Variants in B4GALT6 observed in about 807,000 individuals in gnomAD.
The protein encoded by B4GALT6 is beta-1,4-galactosyltransferase 6, also known as UDP-Gal:beta-GlcNAc beta-1,4-galactosyltransferase 6.
A neutral mutation model predicts 46.3 loss-of-function variants in B4GALT6; 14 were observed. The observed-to-expected ratio is 0.30, with a 90% CI of 0.20 to 0.47. B4GALT6 has a LOEUF of 0.47. Ranked by LOEUF, B4GALT6 falls within the 20% of genes least tolerant of loss-of-function variation. B4GALT6 has a pLI of 0.99. For missense variants in B4GALT6, 386 were observed against 480.1 expected, an observed-to-expected ratio of 0.80 and a Z score of 1.83; for synonymous variants, 168 against 162.0, an observed-to-expected ratio of 1.04 and a Z score of -0.28.
At chr18:31,687,334 C>G (rs921712016), upstream of B4GALT6, among the ~76,000 whole-genome samples, 3 of 152,194 alleles carry the variant, frequency 2.0e-5, no homozygotes, top group Non-Finnish European at 2.9e-5. Flanking sequence ...CACTCTCTGT[C>G]CACAGTAACA....
the B4GALT6 span, among the ~76,000 whole-genome samples, chr18:31,715,739 C>G: frequency 1.3e-5 from 2 of 150,504 alleles, no homozygotes; most frequent in Non-Finnish European, 3.0e-5. Flanking sequence ...TAGTAGAAAA[C>G]AGTTTCACCA....
At chr18:31,699,241 G>A in the B4GALT6 span, among the ~76,000 whole-genome samples, 143 of 148,562 alleles carry the variant, frequency 9.6e-4, no homozygotes, top group Non-Finnish European at 1.8e-3. Context: ...TCGTTGCTTA[G>A]AATAAAGGCA....
intron 1 of B4GALT6, among the ~76,000 whole-genome samples, chr18:31,669,232 C>G (rs577833435): frequency 6.6e-6 from 1 of 152,116 alleles, no homozygotes; most frequent in Non-Finnish European, 1.5e-5. Flanking sequence ...GCATAACTTA[C>G]GTAATTTTCG....
chr18:31,698,791 C>T, the B4GALT6 span, among the ~76,000 whole-genome samples: 2 of 151,974 alleles, frequency 1.3e-5, no homozygotes, highest in South Asian at 2.1e-4. Flanking sequence ...AAAGTAAGGC[C>T]GGGCACAGTG....
At chr18:31,674,853 TAAAAA>T (rs1188667773) in intron 1 of B4GALT6, among the ~76,000 whole-genome samples, 1 of 146,772 alleles carries the variant, frequency 6.8e-6, no homozygotes, top group East Asian at 2.0e-4. Flanking sequence ...CCAGGCTGTT[TAAAAA>T]AAAAAAAATT....
chr18:31,630,103 G>A (rs1223033466), intron 6 of B4GALT6, among the ~76,000 whole-genome samples: 1 of 134,448 alleles, frequency 7.4e-6, no homozygotes, highest in Non-Finnish European at 1.6e-5. Context: ...GGAAGGAGGG[G>A]AGCGGGAGTG....
At chr18:31,684,249 G>A in intron 1 of B4GALT6, 63 bp downstream of exon 1, 1 of 1,603,810 alleles carries the variant, frequency 6.2e-7, no homozygotes. Flanking sequence ...AAGTAACATC[G>A]GATAACAGCC....
chr18:31,679,127 A>G (rs2074449907), intron 1 of B4GALT6, among the ~76,000 whole-genome samples: 1 of 152,236 alleles, frequency 6.6e-6, no homozygotes, highest in Admixed American at 6.5e-5. Context: ...TTTTATCTTT[A>G]ATAAACATTA....
At chr18:31,713,215 G>A in the B4GALT6 span, among the ~76,000 whole-genome samples, 1 of 152,152 alleles carries the variant, frequency 6.6e-6, no homozygotes, top group African/African-American at 2.4e-5. Flanking sequence ...AGCCAATCAT[G>A]GTGGCACATG....
the B4GALT6 span, among the ~76,000 whole-genome samples, chr18:31,700,366 C>G: frequency 1.3e-5 from 2 of 151,362 alleles, no homozygotes; most frequent in Non-Finnish European, 2.9e-5. Context: ...ATATGTGAAA[C>G]TTCATACTCT....
intron 6 of B4GALT6, among the ~76,000 whole-genome samples, chr18:31,630,197 T>G (rs2073768752): frequency 6.6e-6 from 1 of 152,078 alleles, no homozygotes. Flanking sequence ...TTTTTGCTTC[T>G]CTGTACTCTA....
rs1333631197 is a variant in B4GALT6 at position 31,626,295 on chromosome 18, T to TG, written c.988dup (p.Gln330ProfsTer7). On this transcript the variant is annotated frameshift_variant, in exon 8 of 9. Coordinates refer to ENST00000306851, the MANE Select transcript of B4GALT6 (RefSeq NM_004775.5). LOFTEE classifies it high-confidence loss of function. ...ACATTCAACTTACCGTCCTAAAAAC[T>TG]GGACTTCACCTCTATGGTGATGAGG... 1 of 1,582,804 alleles carries TG rather than the reference T, an allele frequency of 6.3e-7. No individual in the cohort carries two copies. The highest frequency in any genetic ancestry group is 1.4e-5 in the African/African-American group (1 of 73,924).
At chr18:31,699,297 G>A in the B4GALT6 span, among the ~76,000 whole-genome samples, 10 of 142,642 alleles carry the variant, frequency 7.0e-5, no homozygotes, top group Non-Finnish European at 1.5e-4. Context: ...TTTTGAGACA[G>A]ATTCTTGTCC....
At chr18:31,648,432 G>A (rs902618161) in intron 3 of B4GALT6, among the ~76,000 whole-genome samples, 2 of 152,220 alleles carry the variant, frequency 1.3e-5, no homozygotes, top group African/African-American at 2.4e-5. Flanking sequence ...TGTCTGAAGA[G>A]TGGAGGGGCT....
chr18:31,651,398 G>T (rs966104143), intron 3 of B4GALT6, among the ~76,000 whole-genome samples: 1 of 152,086 alleles, frequency 6.6e-6, no homozygotes, highest in Non-Finnish European at 1.5e-5. Context: ...CTCCACCAGG[G>T]TGGGGTGGGG....
At chr18:31,653,416 C>T (rs1221220174) in intron 3 of B4GALT6, among the ~76,000 whole-genome samples, 1 of 148,442 alleles carries the variant, frequency 6.7e-6, no homozygotes. Flanking sequence ...TCCCTTTTGT[C>T]ACATTCATAA....
chr18:31,720,755 G>T, the B4GALT6 span, among the ~76,000 whole-genome samples: 1 of 152,162 alleles, frequency 6.6e-6, no homozygotes, highest in Non-Finnish European at 1.5e-5. Context: ...GTGCCATAGG[G>T]TCCTCATGAC....
chr18:31,650,789 G>A (rs1158892965), intron 3 of B4GALT6, among the ~76,000 whole-genome samples: 1 of 152,074 alleles, frequency 6.6e-6, no homozygotes, highest in Non-Finnish European at 1.5e-5. Flanking sequence ...TTTTTTTTGA[G>A]ACGGAGTCTC....
chr18:31,710,814 CCACACACACA>C, the B4GALT6 span, among the ~76,000 whole-genome samples: 25 of 140,124 alleles, frequency 1.8e-4, no homozygotes, highest in Admixed American at 5.1e-4. Flanking sequence ...CCTGAATACA[CCACACACACA>C]CACACACACA....
Sources: allele counts gnomAD v4.1 joint callset (sites outside exome capture counted in the v4.1 genomes callset), GRCh38; gene constraint gnomAD v4.1.1; transcripts MANE v1.5; gene names NCBI Gene and HGNC (gene_info 2026-07-23, HGNC 2026-07-21).